Variants in FGF14 observed in about 807,000 individuals in gnomAD.
FGF14 encodes the protein fibroblast growth factor homologous factor 4.
In FGF14, 5 loss-of-function variants were observed where a neutral mutation model predicts 25.5. That is an observed-to-expected ratio of 0.20 (90% CI 0.10 to 0.41). The LOEUF (loss-of-function observed/expected upper bound fraction) is 0.41, where lower values mean the gene tolerates loss of function less well. Among genes scored for constraint, FGF14 ranks in the 10% least tolerant of loss-of-function variants. The probability of loss-of-function intolerance (pLI) is 1.00; values close to 1 mark genes in which losing one functional copy is unlikely to be tolerated. For synonymous variants in FGF14, 138 were observed against 118.3 expected (o/e 1.17, Z -1.08); for missense variants, 222 against 320.1 (o/e 0.69, Z 2.34).
intron 1 of FGF14, among the ~76,000 whole-genome samples, chr13:102,187,185 A>G (rs1030853479): frequency 2.6e-5 from 4 of 152,220 alleles, no homozygotes; most frequent in African/African-American, 9.6e-5. Context: ...ATTCATCAAA[A>G]GTGTGCTACA....
At chr13:101,844,180 T>A (rs1316838763) in intron 3 of FGF14, among the ~76,000 whole-genome samples, 2 of 152,094 alleles carry the variant, frequency 1.3e-5, no homozygotes, top group Non-Finnish European at 2.9e-5. Flanking sequence ...CTTAAAATCA[T>A]GAAAAATACA....
intron 1 of FGF14, among the ~76,000 whole-genome samples, chr13:102,133,826 A>G (rs1331671392): frequency 6.6e-6 from 1 of 152,162 alleles, no homozygotes; most frequent in Admixed American, 6.5e-5. Flanking sequence ...GTTAATACTC[A>G]TGTCATGAGC....
At chr13:102,080,103 G>A (rs1252421876) in intron 1 of FGF14, among the ~76,000 whole-genome samples, 1 of 152,162 alleles carries the variant, frequency 6.6e-6, no homozygotes. Flanking sequence ...GACTTGGGAA[G>A]CCACTGGAGT....
intron 3 of FGF14, among the ~76,000 whole-genome samples, chr13:101,743,146 CA>C (rs2036659591): frequency 6.6e-6 from 1 of 152,162 alleles, no homozygotes; most frequent in Non-Finnish European, 1.5e-5. Context: ...AGTTTTGCCC[CA>C]ACCTTCTTGG....
chr13:101,812,642 TATATATATA>T (rs1345627529), intron 3 of FGF14, among the ~76,000 whole-genome samples: 105 of 13,392 alleles, frequency 7.8e-3, no homozygotes, highest in East Asian at 0.012. Context: ...TATATATATA[TATATATATA>T]TATTTTTTTT....
intron 1 of FGF14, among the ~76,000 whole-genome samples, chr13:102,102,256 G>A (rs1013395452): frequency 6.6e-6 from 1 of 152,104 alleles, no homozygotes; most frequent in African/African-American, 2.4e-5. Flanking sequence ...GGCAATGAAA[G>A]GCAGTTTCTT....
intron 1 of FGF14, among the ~76,000 whole-genome samples, chr13:102,096,456 G>T (rs1049392834): frequency 5.3e-5 from 8 of 151,826 alleles, no homozygotes; most frequent in Admixed American, 5.3e-4. Context: ...CACTAATTTG[G>T]ATAATGGTTA....
intron 1 of FGF14, among the ~76,000 whole-genome samples, chr13:101,887,199 G>A (rs2034744733): frequency 6.6e-6 from 1 of 151,460 alleles, no homozygotes; most frequent in South Asian, 2.1e-4. Flanking sequence ...CTGGGTATAT[G>A]AAAAAAAAGT....
At chr13:102,088,677 T>C (rs888590836) in intron 1 of FGF14, among the ~76,000 whole-genome samples, 19 of 152,154 alleles carry the variant, frequency 1.2e-4, no homozygotes, top group African/African-American at 4.1e-4. Flanking sequence ...TATATAGATT[T>C]AAAATTCTAT....
intron 3 of FGF14, among the ~76,000 whole-genome samples, chr13:101,803,063 C>A (rs2140144070): frequency 6.6e-6 from 1 of 151,288 alleles, no homozygotes; most frequent in East Asian, 1.9e-4. Context: ...TTGCTCTGGA[C>A]AAAGGGGGTC....
intron 1 of FGF14, among the ~76,000 whole-genome samples, chr13:101,923,722 G>A (rs1469117356): frequency 6.6e-6 from 1 of 151,894 alleles, no homozygotes; most frequent in Non-Finnish European, 1.5e-5. Flanking sequence ...TAATTTTGCT[G>A]GATATATTTA....
chr13:101,890,423 T>G (rs190580430), intron 1 of FGF14, among the ~76,000 whole-genome samples: 3 of 152,280 alleles, frequency 2.0e-5, no homozygotes, highest in Admixed American at 2.0e-4. Context: ...TCTGCTTTGC[T>G]CTGCAGTGTG....
chr13:101,831,439 C>G (rs545690686), intron 3 of FGF14, among the ~76,000 whole-genome samples: 17 of 152,040 alleles, frequency 1.1e-4, no homozygotes, highest in African/African-American at 4.1e-4. Flanking sequence ...TCAATTTCAT[C>G]TTCTATCATA....
intron 1 of FGF14, among the ~76,000 whole-genome samples, chr13:101,956,757 A>G (rs1158927593): frequency 7.3e-6 from 1 of 137,544 alleles, no homozygotes; most frequent in Admixed American, 7.6e-5. Context: ...TTCAGATATT[A>G]TTCACTTTAC....
chr13:102,306,170 G>T (rs980293831), intron 1 of FGF14, among the ~76,000 whole-genome samples: 1 of 152,194 alleles, frequency 6.6e-6, no homozygotes, highest in South Asian at 2.1e-4. Flanking sequence ...CCTGGTTTTG[G>T]CCAATAGATC....
At chr13:102,009,451 T>C (rs962357832) in intron 1 of FGF14, among the ~76,000 whole-genome samples, 1 of 152,152 alleles carries the variant, frequency 6.6e-6, no homozygotes, top group African/African-American at 2.4e-5. Flanking sequence ...TCACTGTGCA[T>C]TGTAATCAAC....
chr13:101,835,000 T>A (rs1251965893), intron 3 of FGF14, among the ~76,000 whole-genome samples: 1 of 152,078 alleles, frequency 6.6e-6, no homozygotes, highest in Non-Finnish European at 1.5e-5. Context: ...AGAGGTTAAC[T>A]ATGATGGCCT....
chr13:102,038,053 G>C (rs568153259), intron 1 of FGF14, among the ~76,000 whole-genome samples: 1 of 152,150 alleles, frequency 6.6e-6, no homozygotes, highest in Non-Finnish European at 1.5e-5. Context: ...TACAGCTAGA[G>C]AGATTGCTAA....
chr13:102,389,126 C>T (rs1200949351), intron 1 of FGF14, among the ~76,000 whole-genome samples: 1 of 152,096 alleles, frequency 6.6e-6, no homozygotes, highest in Non-Finnish European at 1.5e-5. Flanking sequence ...CCTTCTTCCC[C>T]TTTCATCCTC....
Sources: allele counts gnomAD v4.1 joint callset (sites outside exome capture counted in the v4.1 genomes callset), GRCh38; gene constraint gnomAD v4.1.1; transcripts MANE v1.5; gene names NCBI Gene and HGNC (gene_info 2026-07-23, HGNC 2026-07-21).